Variants in KLHL8 observed in about 807,000 individuals in gnomAD.
KLHL8 encodes kelch-like protein 8.
A neutral mutation model predicts 63.5 loss-of-function variants in KLHL8; 38 were observed. The observed-to-expected ratio is 0.60, with a 90% confidence interval of 0.46 to 0.78. The LOEUF (loss-of-function observed/expected upper bound fraction) is 0.78. KLHL8 is among the 30% of genes least tolerant of loss of function. KLHL8 has a pLI of 0.00. For missense variants in KLHL8, 566 were observed against 752.4 expected (o/e 0.75, Z 2.90); for synonymous variants, 224 against 254.3 (o/e 0.88, Z 1.13).
chr4:87,219,019 G>T (rs760209650), intron 1 of KLHL8, among the ~76,000 whole-genome samples: 12 of 152,246 alleles, frequency 7.9e-5, no homozygotes, highest in Non-Finnish European at 2.9e-5. Context: ...TTACAGGCGT[G>T]AGCCACTGCA....
chr4:87,238,684 AAAGT>A (rs1733277397), intron 1 of KLHL8, among the ~76,000 whole-genome samples: 1 of 152,354 alleles, frequency 6.6e-6, no homozygotes, highest in African/African-American at 2.4e-5. Flanking sequence ...GGACAGGAGA[AAAGT>A]AAAGTTATCA....
intron 1 of KLHL8, among the ~76,000 whole-genome samples, chr4:87,226,785 A>T (rs1304339573): frequency 6.1e-5 from 1 of 16,350 alleles, no homozygotes; most frequent in South Asian, 1.7e-3. Context: ...TTATATATAT[A>T]ATATATATTA....
intron 1 of KLHL8, among the ~76,000 whole-genome samples, chr4:87,235,285 C>T (rs573063917): frequency 1.3e-5 from 2 of 152,176 alleles, no homozygotes; most frequent in South Asian, 2.1e-4. Flanking sequence ...TCTTTTATAC[C>T]GTATTTTTAG....
intron 1 of KLHL8, among the ~76,000 whole-genome samples, chr4:87,229,373 G>C (rs1733094043): frequency 6.6e-6 from 1 of 151,098 alleles, no homozygotes; most frequent in Non-Finnish European, 1.5e-5. Context: ...CCGAATTTTT[G>C]AAACCTCCCT....
chr4:87,190,643 TTAAAAAAAA>T (rs1227433186), intron 2 of KLHL8, among the ~76,000 whole-genome samples: 2 of 74,168 alleles, frequency 2.7e-5, no homozygotes, highest in Non-Finnish European at 6.2e-5. Context: ...GACTCTGTCT[TTAAAAAAAA>T]AAAAAAAAGC....
intron 1 of KLHL8, among the ~76,000 whole-genome samples, chr4:87,211,700 A>T (rs1238119829): frequency 6.6e-6 from 1 of 152,076 alleles, no homozygotes; most frequent in Non-Finnish European, 1.5e-5. Flanking sequence ...TGGGAGATGG[A>T]GGTTGCAATG....
intron 8 of KLHL8, chr4:87,167,559 TG>T: frequency 3.7e-6 from 2 of 535,548 alleles, no homozygotes. Context: ...CTTTCTGCTC[TG>T]GGGCTGTTAT....
At chr4:87,190,361 C>T (rs1167413944) in intron 2 of KLHL8, among the ~76,000 whole-genome samples, 1 of 152,040 alleles carries the variant, frequency 6.6e-6, no homozygotes, top group Non-Finnish European at 1.5e-5. Context: ...AAATAACCTA[C>T]TGGCCAGGGG....
intron 6 of KLHL8, among the ~76,000 whole-genome samples, chr4:87,171,432 C>T (rs1031520423): frequency 1.3e-5 from 2 of 152,182 alleles, no homozygotes; most frequent in African/African-American, 2.4e-5. Flanking sequence ...GATTCTAACT[C>T]TAAATTTACC....
chr4:87,167,430 C>G, intron 8 of KLHL8: 2 of 481,310 alleles, frequency 4.2e-6, no homozygotes. Flanking sequence ...TGTTCTCCTA[C>G]TCCAGGCTGT....
At chr4:87,211,477 T>C (rs1405924909) in intron 1 of KLHL8, among the ~76,000 whole-genome samples, 1 of 152,156 alleles carries the variant, frequency 6.6e-6, no homozygotes, top group East Asian at 1.9e-4. Flanking sequence ...TTCCAACAAA[T>C]TACTGCCGTG....
At chr4:87,207,728 AG>A in intron 1 of KLHL8, 2 of 875,356 alleles carry the variant, frequency 2.3e-6, no homozygotes, top group Non-Finnish European at 3.9e-6. Context: ...GGTGCTGCCA[AG>A]GCTGTGGGAA....
chr4:87,179,541 G>C (rs1317239856), intron 4 of KLHL8, among the ~76,000 whole-genome samples: 1 of 152,162 alleles, frequency 6.6e-6, no homozygotes, highest in Non-Finnish European at 1.5e-5. Flanking sequence ...TTGGGAGGCT[G>C]AGGCAGGAGA....
chr4:87,202,154 T>A (rs1731944085), intron 1 of KLHL8, among the ~76,000 whole-genome samples: 1 of 151,222 alleles, frequency 6.6e-6, no homozygotes, highest in Non-Finnish European at 1.5e-5. Context: ...GCCTTTACTT[T>A]CAGAAACCAG....
chr4:87,233,605 C>T (rs1435531973), intron 1 of KLHL8, among the ~76,000 whole-genome samples: 2 of 152,086 alleles, frequency 1.3e-5, no homozygotes, highest in Admixed American at 6.6e-5. Flanking sequence ...ACAAACTGAT[C>T]AGACTTCACC....
intron 1 of KLHL8, among the ~76,000 whole-genome samples, chr4:87,234,065 G>T (rs965299680): frequency 2.4e-4 from 37 of 152,272 alleles, no homozygotes; most frequent in African/African-American, 7.9e-4. Context: ...TAGATGTAGA[G>T]ATACTTTAAA....
At chr4:87,168,682 G>A (rs996586519) in intron 8 of KLHL8, among the ~76,000 whole-genome samples, 70 of 145,688 alleles carry the variant, frequency 4.8e-4, no homozygotes, top group African/African-American at 1.7e-3. Flanking sequence ...GTGTATATAT[G>A]TGTGTATATA....
At chr4:87,237,926 T>C (rs1333839685) in intron 1 of KLHL8, among the ~76,000 whole-genome samples, 1 of 152,058 alleles carries the variant, frequency 6.6e-6, no homozygotes, top group East Asian at 1.9e-4. Flanking sequence ...GTTCTGTTAA[T>C]GTGTTTTAGT....
At chr4:87,216,833 T>C (rs572168230) in intron 1 of KLHL8, among the ~76,000 whole-genome samples, 18 of 152,322 alleles carry the variant, frequency 1.2e-4, no homozygotes, top group Non-Finnish European at 2.4e-4. Flanking sequence ...AGCATGTGAC[T>C]AGTAATATCA....
Sources: gnomAD v4.1 joint callset for allele counts (sites outside exome capture counted in the v4.1 genomes callset) on GRCh38, gnomAD v4.1.1 for gene constraint, MANE v1.5 for transcripts, NCBI Gene and HGNC (gene_info 2026-07-23, HGNC 2026-07-21) for gene names.